The following MINAR1 variants were observed in gnomAD, a reference collection of about 807,000 sequenced individuals.
MINAR1 encodes major intrinsically disordered Notch2-binding receptor 1.
Under a neutral mutation model 65.1 loss-of-function variants are expected in MINAR1, and 40 were observed. That is an observed-to-expected ratio of 0.61 (90% CI 0.48 to 0.80). The LOEUF is 0.80. Ranked by LOEUF, MINAR1 falls within the 30% of genes least tolerant of loss-of-function variation. The probability of loss-of-function intolerance (pLI) is 0.00; values close to 1 mark genes in which losing one functional copy is unlikely to be tolerated. For synonymous variants in MINAR1, 482 were observed against 449.1 expected (o/e 1.07, Z -0.93); for missense variants, 1,128 against 1,148.0 (o/e 0.98, Z 0.25).
rs1970294 is a variant in MINAR1, at chr15:79,445,876, G to A, written c.-50-10222G>A. ...GATAGTATTTTTAGGTATATCTCCT[G>A]TAGGTAGTCTTTGCATTTTATTTTA... On this transcript the variant is annotated intron_variant, in intron 1 of 3. Transcript: ENST00000305428. 6.1e-3 allele frequency among the ~76,000 whole-genome samples: 926 copies of A among 152,320 alleles called. 37 individuals carry two copies. In the East Asian group the frequency reaches 0.11, roughly 18 times the overall value.
At chr15:79,421,224 G>A in the MINAR1 span, 2 of 152,182 alleles carry the variant, frequency 1.3e-5, no homozygotes, top group East Asian at 3.8e-4. Context: ...CTCTGTCAAA[G>A]TGCTATGAAA....
In MINAR1 at chr15:79,469,541, CTATCTATCTATCTATA is replaced by C. The variant is rs1895998874; in HGVS notation, c.*1159_*1174del. 1.3e-5 allele frequency: 2 copies of C among 151,448 alleles called. No individual in the cohort carries two copies. The highest frequency in any genetic ancestry group is 6.6e-5 in the Admixed American group (1 of 15,206). The allele number at this position is 151,448 out of a possible 1,614,324, so 9.4% of individuals were successfully genotyped here. ...TCTGTTTAACCACTTATCTATATGT[CTATCTATCTATCTATA>C]TGTCTATCTATCTATCTAAATACTT... On this transcript the variant is annotated 3_prime_UTR_variant, in exon 4 of 4. Transcript: ENST00000305428.
At chr15:79,429,433 G>A (rs547793083), upstream of MINAR1, among the ~76,000 whole-genome samples, 1 of 152,182 alleles carries the variant, frequency 6.6e-6, no homozygotes, top group South Asian at 2.1e-4. Context: ...CAAACTCAAG[G>A]CTGTTTCTTT....
At chr15:79,466,948 T>TG (rs1895884119) in intron 3 of MINAR1, among the ~76,000 whole-genome samples, 1 of 152,132 alleles carries the variant, frequency 6.6e-6, no homozygotes, top group African/African-American at 2.4e-5. Flanking sequence ...AGGAGGGAGC[T>TG]GGGGGAATAA....
intron 3 of MINAR1, among the ~76,000 whole-genome samples, chr15:79,464,469 G>A (rs950259163): frequency 2.0e-5 from 3 of 152,146 alleles, no homozygotes; most frequent in Non-Finnish European, 4.4e-5. Flanking sequence ...TGAGGAAATC[G>A]AGGCCCCAGG....
At chr15:79,444,158 A>T (rs904817343) in intron 1 of MINAR1, among the ~76,000 whole-genome samples, 4 of 152,204 alleles carry the variant, frequency 2.6e-5, no homozygotes, top group Non-Finnish European at 5.9e-5. Flanking sequence ...TCTGTGCTGG[A>T]GAAAATTCAG....
At chr15:79,455,108 G>A (rs779259370) in intron 1 of MINAR1, among the ~76,000 whole-genome samples, 9 of 152,108 alleles carry the variant, frequency 5.9e-5, no homozygotes, top group East Asian at 1.9e-4. Context: ...TCCAGATCTT[G>A]GGTATATTAG....
intron 1 of MINAR1, 71 bp from the exon 2 acceptor site, chr15:79,456,027 G>A: frequency 1.2e-6 from 1 of 860,106 alleles, no homozygotes; most frequent in Non-Finnish European, 1.8e-6. Context: ...TTTATAAGGA[G>A]CTTGACTTCA....
chr15:79,421,154 TAG>T, the MINAR1 span: 1 of 152,148 alleles, frequency 6.6e-6, no homozygotes, highest in Non-Finnish European at 1.5e-5. Context: ...AGTAACAAAA[TAG>T]ACACACAAAA....
At chr15:79,461,700 G>A (rs576945040) in intron 2 of MINAR1, among the ~76,000 whole-genome samples, 2 of 152,212 alleles carry the variant, frequency 1.3e-5, no homozygotes, top group Admixed American at 6.5e-5. Flanking sequence ...CCAATGGGTT[G>A]GGTTTGCTGG....
chr15:79,431,753 G>A (rs1453661947), upstream of MINAR1, among the ~76,000 whole-genome samples: 1 of 152,216 alleles, frequency 6.6e-6, no homozygotes, highest in Non-Finnish European at 1.5e-5. Flanking sequence ...AGGGGAGTGG[G>A]GAGACGCGAA....
intron 3 of MINAR1, among the ~76,000 whole-genome samples, chr15:79,465,180 A>G (rs1895792577): frequency 6.6e-6 from 1 of 152,256 alleles, no homozygotes; most frequent in Non-Finnish European, 1.5e-5. Flanking sequence ...ATGAGGAAGT[A>G]GAGAGTTCAA....
At position 79,456,175 on chromosome 15, in the gene MINAR1, T is replaced by G; in HGVS notation, c.28T>G (p.Phe10Val). METSQETSL[F>V]LVKILEELDS... ...GGAGACCAGTCAGGAAACTTCCCTC[T>G]TCTTGGTGAAGATCTTGGAGGAACT... The change falls in exon 2 of 4, where the codon TTC (phenylalanine) becomes GTC (valine). Residue 10 changes from phenylalanine to valine, a missense_variant. Phe to Val is a conservative substitution (Grantham distance 50). Transcript: ENST00000305428. The G allele has an allele frequency of 1.2e-6, 2 of 1,613,844 alleles. No homozygotes were observed. The highest frequency in any genetic ancestry group is 1.7e-6 in the Non-Finnish European group (2 of 1,179,728).
At chr15:79,427,691 T>C (rs1894344865), upstream of MINAR1, among the ~76,000 whole-genome samples, 1 of 152,244 alleles carries the variant, frequency 6.6e-6, no homozygotes, top group South Asian at 2.1e-4. Context: ...TTCTACTGCC[T>C]GAAAATTATA....
At chr15:79,448,300 C>A (rs1895077601) in intron 1 of MINAR1, among the ~76,000 whole-genome samples, 1 of 152,174 alleles carries the variant, frequency 6.6e-6, no homozygotes, top group Non-Finnish European at 1.5e-5. Flanking sequence ...AAGTGTAACC[C>A]CTTCCCAACT....
Position 79,458,308 on chromosome 15 carries a change from T to A in MINAR1, c.2161T>A (p.Ser721Thr), listed in dbSNP as rs2141297480. The A allele has an allele frequency of 6.2e-7, 1 of 1,613,642 alleles. No homozygotes were observed. Among genetic ancestry groups the A allele is most frequent in the East Asian group, 2.2e-5 (1 of 44,848 alleles). The change falls in exon 2 of 4, where the codon TCC (serine) becomes ACC (threonine). Residue 721 changes from serine (S) to threonine (T), a missense_variant. Coordinates refer to ENST00000305428, the MANE Select transcript of MINAR1 (RefSeq NM_015206.3). Reference sequence around the variant, plus strand: ...AACAGAGGAGAACAGTGCCACAGAGTCCAAAATTGCCAGCATCTCCAACTC... The same window carrying A: ...AACAGAGGAGAACAGTGCCACAGAGACCAAAATTGCCAGCATCTCCAACTC... Reference protein sequence around the residue: ...SLTEENSATESKIASISNSPR... With the variant: ...SLTEENSATETKIASISNSPR...
chr15:79,437,742 GTGTGT>G (rs1567049084), intron 1 of MINAR1, among the ~76,000 whole-genome samples: 3 of 96,272 alleles, frequency 3.1e-5, no homozygotes, highest in Non-Finnish European at 4.4e-5. Context: ...TGGGGTGTGG[GTGTGT>G]GTAGGTAGTG....
Position 79,456,427 on chromosome 15 carries a change from A to G in MINAR1, c.280A>G (p.Ile94Val), listed in dbSNP as rs578145908. ...AGATATTGTGACGATATTCAACCTG[A>G]TCCAAATGAATGGCGGGGCTGCCAA... ...AADIVTIFNL[I>V]QMNGGAAKEK... is the part of the protein sequence containing the mutation. The change falls in exon 2 of 4, where the codon ATC (isoleucine) becomes GTC (valine). Residue 94 changes from isoleucine to valine, a missense_variant. Transcript: ENST00000305428. 37 of 1,614,080 alleles carry G rather than the reference A, an allele frequency of 2.3e-5. No homozygotes were observed. The highest frequency in any genetic ancestry group is 3.3e-4 in the Middle Eastern group (2 of 6,084).
At chr15:79,426,180 G>C in the MINAR1 span, 6 of 153,226 alleles carry the variant, frequency 3.9e-5, no homozygotes, top group Non-Finnish European at 7.3e-5. Flanking sequence ...GAAACTGGGG[G>C]AGTTGGGGGG....
Sources: allele counts gnomAD v4.1 joint callset (sites outside exome capture counted in the v4.1 genomes callset), GRCh38; gene constraint gnomAD v4.1.1; transcripts MANE v1.5; gene names NCBI Gene and HGNC (gene_info 2026-07-23, HGNC 2026-07-21).